Variants in CILK1 observed in about 807,000 individuals in gnomAD.
The protein encoded by CILK1 is serine/threonine-protein kinase ICK.
A neutral mutation model predicts 79.2 loss-of-function variants in CILK1; 47 were observed. The ratio of observed to expected loss-of-function variants is 0.59; its 90% CI spans 0.47 to 0.76. The LOEUF is 0.76. Among genes scored for constraint, CILK1 ranks in the 30% least tolerant of loss-of-function variants. The pLI, the probability that CILK1 is intolerant of heterozygous loss-of-function variation, is 0.00. For synonymous variants in CILK1, 266 were observed against 275.9 expected (o/e 0.96, Z 0.36); for missense variants, 660 against 769.5 (o/e 0.86, Z 1.68).
chr6:53,007,500 C>T lies in CILK1; in HGVS notation c.1622-1063G>A, dbSNP rs573138233. On this transcript the variant is annotated intron_variant, in intron 12 of 13. Coordinates refer to ENST00000676107, the MANE Select transcript of CILK1 (RefSeq NM_014920.5). Reference sequence around the variant, plus strand: ...CCACAATAGGATACCATTTCTCACTCATCAGATTAGCACAAATTTTAGTCT... The same window carrying T: ...CCACAATAGGATACCATTTCTCACTTATCAGATTAGCACAAATTTTAGTCT... Among the ~76,000 whole-genome samples the T allele has an allele frequency of 3.4e-3, 517 of 152,334 alleles. 7 individuals are homozygous for T. The highest frequency in any genetic ancestry group is 0.027 in the South Asian group (130 of 4,824).
At chr6:53,038,142 C>A in intron 2 of CILK1, 149 bp from the exon 3 acceptor site, 2 of 652,712 alleles carry the variant, frequency 3.1e-6, no homozygotes, top group South Asian at 1.8e-5. Context: ...CCCAAACCAG[C>A]ACTTATTTTC....
Position 53,028,820 on chromosome 6 carries a change from A to AGTGT in CILK1, c.358+2241_358+2244dup, listed in dbSNP as rs140225032. Among the ~76,000 whole-genome samples the AGTGT allele has an allele frequency of 5.9e-3, 873 of 148,838 alleles. 5 individuals are homozygous for AGTGT. Among genetic ancestry groups the AGTGT allele is most frequent in the African/African-American group, 0.018 (716 of 40,660 alleles). ...GATGCTAAATTATGTACTACAGATGAGTGTGTGTGTGTGTGTGTGTGTGTA... is the reference window on the plus strand; with the variant it reads ...GATGCTAAATTATGTACTACAGATGAGTGTGTGTGTGTGTGTGTGTGTGTGTGTA... On this transcript the variant is annotated intron_variant, in intron 5 of 13. Transcript: ENST00000676107.
In CILK1 at chr6:53,041,138, T is replaced by G; in HGVS notation, c.99A>C (p.Lys33Asn). ...SIESGELIAI[K>N]KMKRKFYSWE... ...TGGCAGTGAAGGATCAAACTTACTT[T>G]TTAATAGCGATCAGCTCCCCAGACT... is the stretch of plus-strand genomic sequence containing the variant. The change falls in exon 2 of 14, where the codon AAA becomes AAC. Residue 33 changes from lysine (K) to asparagine (N), a missense_variant and splice_region_variant. Coordinates refer to ENST00000676107, the MANE Select transcript of CILK1 (RefSeq NM_014920.5). 1 of 1,607,448 alleles carries G rather than the reference T, an allele frequency of 6.2e-7. No individual in the cohort carries two copies. The highest frequency in any genetic ancestry group is 8.5e-7 in the Non-Finnish European group (1 of 1,173,908).
intron 5 of CILK1, among the ~76,000 whole-genome samples, chr6:53,030,161 G>C (rs1221835277): frequency 6.6e-6 from 1 of 152,160 alleles, no homozygotes; most frequent in East Asian, 1.9e-4. Context: ...CGTTCCTTTG[G>C]ATATTCTAAA....
At position 53,013,534 on chromosome 6, in the gene CILK1, T is replaced by C. The variant is rs985557739; in HGVS notation, c.1152+128A>G. ...AAAGCCAAGGGTCTTTACAATTCCA[T>C]GCTGTTGCAAACATAAATCTACCAT... On this transcript the variant is annotated intron_variant, in intron 9 of 13. Transcript: ENST00000676107. 4 of 883,106 alleles carry C rather than the reference T, an allele frequency of 4.5e-6. No individual in the cohort carries two copies. The African/African-American group carries it at 6.6e-5, about 15-fold the overall frequency. The allele number at this position is 883,106 out of a possible 1,614,324, so 54.7% of individuals were successfully genotyped here.
chr6:53,004,159 A>G lies in CILK1; in HGVS notation c.*990T>C, dbSNP rs1764084070. 6.6e-6 allele frequency: 1 copy of G among 152,662 alleles called. No homozygotes were observed. Among genetic ancestry groups the G allele is most frequent in the South Asian group, 2.1e-4 (1 of 4,834 alleles). The allele number at this position is 152,662 out of a possible 1,614,324, so 9.5% of individuals were successfully genotyped here. On this transcript the variant is annotated 3_prime_UTR_variant, in exon 14 of 14. Transcript: ENST00000676107. ...ATTGTCCTGAGAATTTGGCTAGGAC[A>G]GAACATTAGTCATTGACTGCTCCTA...
intron 8 of CILK1, among the ~76,000 whole-genome samples, chr6:53,015,793 A>G (rs879460562): frequency 1.3e-5 from 2 of 152,242 alleles, no homozygotes; most frequent in Non-Finnish European, 2.9e-5. Flanking sequence ...ATTTGAAAAC[A>G]TTCTCCAAAG....
At position 53,001,518 on chromosome 6, in the gene CILK1, A is replaced by G. The variant is rs1763944149; in HGVS notation, c.*3631T>C. Reference sequence around the variant, plus strand: ...TACTCCATTGTAATCAAATCAGCTGACTAATTGCTATCTGTACTGAGTTAT... The same window carrying G: ...TACTCCATTGTAATCAAATCAGCTGGCTAATTGCTATCTGTACTGAGTTAT... On this transcript the variant is annotated 3_prime_UTR_variant, in exon 14 of 14. Coordinates refer to ENST00000676107, the MANE Select transcript of CILK1 (RefSeq NM_014920.5). 1 of 152,658 alleles carries G rather than the reference A, an allele frequency of 6.6e-6. No homozygotes were observed. The highest frequency in any genetic ancestry group is 1.5e-5 in the Non-Finnish European group (1 of 68,046). The allele number at this position is 152,658 out of a possible 1,614,324, so 9.5% of individuals were successfully genotyped here. A position where few individuals can be genotyped will look rare whatever the true frequency, so the allele number is the denominator to read the frequency against.
At position 53,051,179 on chromosome 6, in the gene CILK1, G is replaced by T. The variant is rs554690354; in HGVS notation, c.-172-9771C>A. 1.1e-4 allele frequency among the ~76,000 whole-genome samples: 17 copies of T among 152,236 alleles called. No homozygotes were observed. In the South Asian group the frequency reaches 3.1e-3, roughly 28 times the overall value. ...GCTAGGAATCTCAAGGAAGGCTCTG[G>T]GCCACCAATTTCTAAACTACAGCTA... On this transcript the variant is annotated intron_variant, in intron 1 of 13. Transcript: ENST00000676107.
intron 8 of CILK1, among the ~76,000 whole-genome samples, chr6:53,015,133 A>G (rs1466214579): frequency 6.6e-6 from 1 of 152,158 alleles, no homozygotes; most frequent in Non-Finnish European, 1.5e-5. Context: ...TTCTACCACC[A>G]CATTGGCACT....
rs770397268 is a variant in CILK1 at position 53,038,005 on chromosome 6, GA to G, written c.102-13del. 61 of 1,578,892 alleles carry G rather than the reference GA, an allele frequency of 3.9e-5. 1 individual carries two copies. In the South Asian group the frequency reaches 6.8e-4, roughly 17 times the overall value. On this transcript the variant is annotated splice_polypyrimidine_tract_variant and intron_variant, in intron 2 of 13. Coordinates refer to ENST00000676107, the MANE Select transcript of CILK1 (RefSeq NM_014920.5). ...ATTTTCTTTTCATTCTAGAAGAGAA[GA>G]AAGAAACAAACAGCACACTTATTCT...
chr6:53,050,844 T>A (rs1221543676), intron 1 of CILK1, among the ~76,000 whole-genome samples: 1 of 152,110 alleles, frequency 6.6e-6, no homozygotes, highest in Non-Finnish European at 1.5e-5. Context: ...AAATTTTTTT[T>A]AATTTAAAAA....
chr6:53,016,073 G>A lies in CILK1; in HGVS notation c.831+10C>T, dbSNP rs779395946. 1 of 1,613,300 alleles carries A rather than the reference G, an allele frequency of 6.2e-7. No individual in the cohort carries two copies. The highest frequency in any genetic ancestry group is 1.1e-5 in the South Asian group (1 of 91,048). On this transcript the variant is annotated intron_variant, in intron 8 of 13. Transcript: ENST00000676107. ...GATATGAACGTTATAACAAGAAAAT[G>A]GAAGAAAACCTGACTAGCTGTTGGT... is the stretch of plus-strand genomic sequence containing the variant.
chr6:53,038,018 AG>A (rs763316361), intron 2 of CILK1, 25 bp from the exon 3 acceptor site: 9 of 1,511,498 alleles, frequency 6.0e-6, no homozygotes, highest in Non-Finnish European at 8.3e-6. Context: ...AGAAACAAAC[AG>A]CACACTTATT....
At chr6:53,017,794 G>A (rs945768041) in intron 7 of CILK1, among the ~76,000 whole-genome samples, 3 of 151,792 alleles carry the variant, frequency 2.0e-5, no homozygotes, top group African/African-American at 7.3e-5. Context: ...AGGGAAAGGG[G>A]AGCAAGAGAA....
intron 1 of CILK1, among the ~76,000 whole-genome samples, chr6:53,049,597 T>A (rs1210109946): frequency 6.6e-6 from 1 of 152,166 alleles, no homozygotes; most frequent in Non-Finnish European, 1.5e-5. Context: ...CATGAAAGGA[T>A]TCCACTTTGC....
chr6:53,046,805 A>C (rs1038515692), intron 1 of CILK1, among the ~76,000 whole-genome samples: 6 of 152,212 alleles, frequency 3.9e-5, no homozygotes, highest in Non-Finnish European at 7.3e-5. Context: ...ATACACAAAA[A>C]ATGTAGAAAC....
intron 5 of CILK1, among the ~76,000 whole-genome samples, chr6:53,022,203 G>A (rs934491092): frequency 1.3e-5 from 2 of 152,062 alleles, no homozygotes; most frequent in East Asian, 3.8e-4. Context: ...AATTATTGAA[G>A]AAAGAAATTT....
chr6:53,035,414 C>G (rs1261285282), intron 3 of CILK1, among the ~76,000 whole-genome samples: 5 of 152,038 alleles, frequency 3.3e-5, no homozygotes, highest in Non-Finnish European at 7.4e-5. Context: ...AAAACCAAAA[C>G]AGCAAAGGAA....
Sources: allele counts gnomAD v4.1 joint callset (sites outside exome capture counted in the v4.1 genomes callset), GRCh38; gene constraint gnomAD v4.1.1; transcripts MANE v1.5; gene names NCBI Gene and HGNC (gene_info 2026-07-23, HGNC 2026-07-21).